Variants in CDK8 observed in about 807,000 individuals in gnomAD.
The protein encoded by CDK8 is cyclin-dependent kinase 8.
Under a neutral mutation model 71.5 loss-of-function variants are expected in CDK8, and 29 were observed. That is an observed-to-expected ratio of 0.41 (90% CI 0.30 to 0.55). CDK8 has a LOEUF of 0.55. Ranked by LOEUF, CDK8 falls within the 20% of genes least tolerant of loss-of-function variation. The pLI, the probability that CDK8 is intolerant of heterozygous loss-of-function variation, is 0.37. For missense variants in CDK8, 288 were observed against 572.6 expected, an observed-to-expected ratio of 0.50 and a Z score of 5.07; for synonymous variants, 161 against 192.1, an observed-to-expected ratio of 0.84 and a Z score of 1.34.
rs182399861 is a variant in CDK8, at chr13:26,373,905, G to A, written c.457-8909G>A. ...GTTAAAAAATTTCATGAATGGAACA[G>A]GCGCAGTGGCTCACGCCTGTAATCC... On this transcript the variant is annotated intron_variant, in intron 4 of 12. Transcript: ENST00000381527. Among the ~76,000 whole-genome samples the A allele has an allele frequency of 2.2e-3, 340 of 151,434 alleles. 3 individuals are homozygous for A. The highest frequency in any genetic ancestry group is 7.5e-3 in the African/African-American group (309 of 41,272).
chr13:26,401,241 A>C lies in CDK8; in HGVS notation c.1032-28A>C. The C allele has an allele frequency of 1.9e-6, 3 of 1,559,132 alleles. No homozygotes were observed. The highest frequency in any genetic ancestry group is 2.6e-6 in the Non-Finnish European group (3 of 1,132,706). ...TTTGGAATATTGATTAGTATACCAG[A>C]AATGGTTTTTCTTTTTCTTATGATC... On this transcript the variant is annotated intron_variant, in intron 10 of 12. Transcript: ENST00000381527. This position sits in a 1 kb window ranked among gnomAD's most constrained non-coding sequence, Gnocchi z 4.5.
At chr13:26,349,209 G>C (rs757667495) in intron 3 of CDK8, 27 bp downstream of exon 3, 5 of 1,227,106 alleles carry the variant, frequency 4.1e-6, no homozygotes, top group Non-Finnish European at 6.0e-6. Flanking sequence ...GCAGACATGA[G>C]CAAACAGTCA....
At chr13:26,329,837 T>A (rs748091745) in intron 1 of CDK8, among the ~76,000 whole-genome samples, 26 of 152,286 alleles carry the variant, frequency 1.7e-4, no homozygotes, top group Admixed American at 1.1e-3. Flanking sequence ...TCCTCAGGGC[T>A]GTCACCGGTA....
intron 4 of CDK8, among the ~76,000 whole-genome samples, chr13:26,373,190 C>T (rs763034697): frequency 6.6e-6 from 1 of 152,144 alleles, no homozygotes; most frequent in African/African-American, 2.4e-5. Context: ...CATACTAGTG[C>T]CCCCATTATT....
At chr13:26,261,987 G>A (rs927365735) in intron 1 of CDK8, among the ~76,000 whole-genome samples, 1 of 152,202 alleles carries the variant, frequency 6.6e-6, no homozygotes, top group Non-Finnish European at 1.5e-5. Flanking sequence ...CTGAAACAGA[G>A]ATTCATACAG....
At chr13:26,351,960 GACAGTAGGA>G (rs1873696267) in intron 3 of CDK8, among the ~76,000 whole-genome samples, 1 of 152,076 alleles carries the variant, frequency 6.6e-6, no homozygotes. Context: ...TAAAGAAAAT[GACAGTAGGA>G]TTTGTCATTT....
At chr13:26,324,369 A>G (rs1412374125) in intron 1 of CDK8, among the ~76,000 whole-genome samples, 5 of 152,180 alleles carry the variant, frequency 3.3e-5, no homozygotes, top group Non-Finnish European at 5.9e-5. Flanking sequence ...TTTGGTGACT[A>G]TATTACTAAA....
chr13:26,338,683 CT>C (rs1041993097), intron 2 of CDK8, among the ~76,000 whole-genome samples: 16 of 152,042 alleles, frequency 1.1e-4, no homozygotes, highest in African/African-American at 3.6e-4. Context: ...TTTTTTAATA[CT>C]TTTCAATCTT....
intron 1 of CDK8, among the ~76,000 whole-genome samples, chr13:26,303,202 T>A (rs1294117857): frequency 6.6e-6 from 1 of 152,118 alleles, no homozygotes; most frequent in African/African-American, 2.4e-5. Context: ...TTGCTTTCCA[T>A]ACATTTTTAT....
intron 1 of CDK8, among the ~76,000 whole-genome samples, chr13:26,336,508 GA>G (rs1254874311): frequency 4.7e-5 from 7 of 150,448 alleles, no homozygotes; most frequent in African/African-American, 1.5e-4. Context: ...AAAGGTTTGA[GA>G]ACAGCCATTT....
intron 4 of CDK8, among the ~76,000 whole-genome samples, chr13:26,368,043 T>A (rs962162579): frequency 6.6e-6 from 1 of 152,228 alleles, no homozygotes; most frequent in Non-Finnish European, 1.5e-5. Context: ...TTTCTGCTGC[T>A]GGGAAATGGA....
At chr13:26,395,217 G>A (rs185425613) in intron 7 of CDK8, among the ~76,000 whole-genome samples, 102 of 152,322 alleles carry the variant, frequency 6.7e-4, no homozygotes, top group African/African-American at 2.3e-3. Context: ...TTGCGAGGCC[G>A]CGGTGGGCGG....
chr13:26,257,894 TTGTGTG>T (rs34745022), intron 1 of CDK8, among the ~76,000 whole-genome samples: 293 of 148,728 alleles, frequency 2.0e-3, no homozygotes, highest in African/African-American at 7.0e-3. Context: ...GAGTGTGTGT[TTGTGTG>T]TGTGTGTGTG....
chr13:26,345,278 C>T (rs1477057078), intron 2 of CDK8, among the ~76,000 whole-genome samples: 1 of 152,178 alleles, frequency 6.6e-6, no homozygotes, highest in Non-Finnish European at 1.5e-5. Context: ...ACTACTCTGG[C>T]AGTAGTTACT....
intron 1 of CDK8, among the ~76,000 whole-genome samples, chr13:26,299,529 A>T (rs541504336): frequency 6.6e-6 from 1 of 152,318 alleles, no homozygotes; most frequent in South Asian, 2.1e-4. Context: ...AGAAACATCA[A>T]TATGCAGTAT....
intron 4 of CDK8, among the ~76,000 whole-genome samples, chr13:26,378,870 A>C (rs1484180619): frequency 6.6e-6 from 1 of 152,232 alleles, no homozygotes; most frequent in Non-Finnish European, 1.5e-5. Flanking sequence ...ATATATCAAG[A>C]AATTAGTTTT....
intron 1 of CDK8, among the ~76,000 whole-genome samples, chr13:26,336,678 C>T (rs942504628): frequency 4.0e-5 from 6 of 151,642 alleles, no homozygotes; most frequent in Admixed American, 2.0e-4. Context: ...CTCAGCCTCC[C>T]GAGTAGCTGG....
intron 1 of CDK8, among the ~76,000 whole-genome samples, chr13:26,329,490 T>G (rs1235344652): frequency 6.6e-6 from 1 of 150,692 alleles, no homozygotes; most frequent in Non-Finnish European, 1.5e-5. Flanking sequence ...TTTGTTTTTT[T>G]TTTGTTTGTT....
At chr13:26,372,036 A>G (rs1874716906) in intron 4 of CDK8, among the ~76,000 whole-genome samples, 1 of 152,204 alleles carries the variant, frequency 6.6e-6, no homozygotes. Context: ...TATATAAGAG[A>G]GTATACTTTT....
Sources: allele counts gnomAD v4.1 joint callset (sites outside exome capture counted in the v4.1 genomes callset), GRCh38; gene constraint gnomAD v4.1.1; non-coding constraint Gnocchi (gnomAD v3.1); transcripts MANE v1.5; gene names NCBI Gene and HGNC (gene_info 2026-07-23, HGNC 2026-07-21).